KCNQ5: variants seen among roughly 807,000 people sequenced by gnomAD.
The protein encoded by KCNQ5 is potassium voltage-gated channel subfamily Q member 5, also known as potassium voltage-gated channel subfamily KQT member 5.
KCNQ5 carries 30 observed loss-of-function variants against 98.2 expected under a neutral mutation model. The ratio of observed to expected loss-of-function variants is 0.31; its 90% CI spans 0.23 to 0.41. The LOEUF is 0.41. KCNQ5 is among the 10% of genes least tolerant of loss of function. The pLI is 1.00. For synonymous variants in KCNQ5, 458 were observed against 449.4 expected, an observed-to-expected ratio of 1.02 and a Z score of -0.24; for missense variants, 835 against 1,182.5, an observed-to-expected ratio of 0.71 and a Z score of 4.31.
chr6:72,801,996 G>A (rs1265498529), intron 1 of KCNQ5, among the ~76,000 whole-genome samples: 23 of 152,224 alleles, frequency 1.5e-4, no homozygotes, highest in Admixed American at 4.6e-4. Flanking sequence ...CGAGAGATCC[G>A]CTGTTAGTCT....
At chr6:73,001,449 C>G (rs1291711128) in intron 1 of KCNQ5, among the ~76,000 whole-genome samples, 1 of 152,174 alleles carries the variant, frequency 6.6e-6, no homozygotes, top group Admixed American at 6.5e-5. Context: ...AAACAGCATT[C>G]AAATATTGAT....
intron 1 of KCNQ5, among the ~76,000 whole-genome samples, chr6:72,921,599 T>A (rs1562069130): frequency 1.3e-5 from 2 of 152,188 alleles, no homozygotes; most frequent in Admixed American, 6.5e-5. Flanking sequence ...GAGCTTCAGT[T>A]TCCTCCTCAG....
intron 9 of KCNQ5, among the ~76,000 whole-genome samples, chr6:73,124,936 G>GATATATATATAT (rs1180218889): frequency 1.3e-4 from 10 of 76,284 alleles, no homozygotes; most frequent in South Asian, 6.3e-4. Context: ...CTTTTGGAGT[G>GATATATATATAT]ATATATATAT....
intron 1 of KCNQ5, among the ~76,000 whole-genome samples, chr6:72,807,968 G>A (rs1775037674): frequency 1.3e-5 from 2 of 152,174 alleles, no homozygotes; most frequent in Non-Finnish European, 2.9e-5. Context: ...AAAGGGAAGT[G>A]AGAAGAAAGT....
chr6:72,662,417 TA>T (rs1300672179), intron 1 of KCNQ5, among the ~76,000 whole-genome samples: 2 of 152,184 alleles, frequency 1.3e-5, no homozygotes, highest in Non-Finnish European at 2.9e-5. Flanking sequence ...GTGGTGATGA[TA>T]TGATAACATA....
intron 1 of KCNQ5, among the ~76,000 whole-genome samples, chr6:72,697,993 A>T (rs984720354): frequency 2.0e-5 from 3 of 152,118 alleles, no homozygotes; most frequent in Non-Finnish European, 4.4e-5. Flanking sequence ...AGGTGGGAGG[A>T]TTACTTGAGT....
Position 72,779,821 on chromosome 6 carries a change from C to CTGTGTGTG in KCNQ5, c.398+157288_398+157295dup, listed in dbSNP as rs35526812. On this transcript the variant is annotated intron_variant, in intron 1 of 13. Coordinates refer to ENST00000370398, the MANE Select transcript of KCNQ5 (RefSeq NM_019842.4). ...CACCATGCCCAGCTAATTTAATTTT[C>CTGTGTGTG]TGTGTGTGTGTGTGTGTGTGTGTGT... Among the ~76,000 whole-genome samples the CTGTGTGTG allele has an allele frequency of 1.1e-3, 135 of 124,924 alleles. 1 individual carries two copies. The highest frequency in any genetic ancestry group is 1.8e-3 in the Non-Finnish European group (108 of 59,092). 82.0% of individuals were successfully genotyped at this position (124,924 alleles called of 152,430 possible).
intron 1 of KCNQ5, among the ~76,000 whole-genome samples, chr6:72,750,039 C>T (rs9446746): frequency 0.13 from 19,637 of 152,074 alleles, 1,402 homozygotes; most frequent in South Asian, 0.18. Flanking sequence ...TTTCATAAAA[C>T]CGTGGTCTGT....
chr6:72,966,129 A>T (rs373513350), intron 1 of KCNQ5, among the ~76,000 whole-genome samples: 1 of 152,236 alleles, frequency 6.6e-6, no homozygotes, highest in East Asian at 1.9e-4. Flanking sequence ...TATCATCCTG[A>T]GCCCAAGAAG....
At chr6:73,151,885 G>A (rs75309310) in intron 10 of KCNQ5, among the ~76,000 whole-genome samples, 2,153 of 152,252 alleles carry the variant, frequency 0.014, 35 homozygotes, top group African/African-American at 0.049. Flanking sequence ...AAGATGACAT[G>A]ATGACAGAAG....
chr6:72,946,916 G>A (rs945130625), intron 1 of KCNQ5, among the ~76,000 whole-genome samples: 4 of 152,150 alleles, frequency 2.6e-5, no homozygotes, highest in Non-Finnish European at 4.4e-5. Context: ...TTCACAATGA[G>A]TTGTGTAATC....
intron 1 of KCNQ5, among the ~76,000 whole-genome samples, chr6:72,703,820 G>T (rs17796644): frequency 0.12 from 18,483 of 152,158 alleles, 1,311 homozygotes; most frequent in East Asian, 0.22. Flanking sequence ...TACCTAGGAT[G>T]AAGACATTTG....
intron 1 of KCNQ5, among the ~76,000 whole-genome samples, chr6:72,788,742 T>C (rs1216475633): frequency 6.6e-6 from 1 of 152,220 alleles, no homozygotes; most frequent in Non-Finnish European, 1.5e-5. Flanking sequence ...CATATACCTA[T>C]TCATTTGTAG....
rs796918850 is a variant in KCNQ5 at position 73,165,762 on chromosome 6, T to C, written c.1469-3984T>C. ...GAGTTCGAGACCAGCCTGGCCAACATGGTGAAACCCCGTCTCTACTAAATA... is the reference window on the plus strand; with the variant it reads ...GAGTTCGAGACCAGCCTGGCCAACACGGTGAAACCCCGTCTCTACTAAATA... On this transcript the variant is annotated intron_variant, in intron 10 of 13. Coordinates refer to ENST00000370398, the MANE Select transcript of KCNQ5 (RefSeq NM_019842.4). Among the ~76,000 whole-genome samples the C allele has an allele frequency of 2.4e-4, 36 of 151,876 alleles. 1 individual carries two copies. The highest frequency in any genetic ancestry group is 8.7e-4 in the African/African-American group (36 of 41,410).
At chr6:72,870,480 G>A (rs116310879) in intron 1 of KCNQ5, among the ~76,000 whole-genome samples, 2,116 of 152,002 alleles carry the variant, frequency 0.014, 40 homozygotes, top group African/African-American at 0.049. Flanking sequence ...CGGACTCCTG[G>A]GATCAAATGA....
At chr6:73,083,085 G>T (rs576751796) in intron 5 of KCNQ5, among the ~76,000 whole-genome samples, 50 of 151,966 alleles carry the variant, frequency 3.3e-4, no homozygotes, top group African/African-American at 1.1e-3. Context: ...GAAGAAAAGG[G>T]GTCTCACCAT....
chr6:72,784,755 C>T (rs1582283728), intron 1 of KCNQ5, among the ~76,000 whole-genome samples: 1 of 152,014 alleles, frequency 6.6e-6, no homozygotes, highest in African/African-American at 2.4e-5. Context: ...AGATCTTCTT[C>T]GAGGAATTCC....
chr6:72,721,421 G>T (rs1769954078), intron 1 of KCNQ5, among the ~76,000 whole-genome samples: 1 of 151,514 alleles, frequency 6.6e-6, no homozygotes, highest in Non-Finnish European at 1.5e-5. Context: ...TTTTTTTAAA[G>T]TCCTGATCTC....
In KCNQ5 at chr6:72,728,399, A is replaced by T. The variant is rs1380756312; in HGVS notation, c.398+105812A>T. ...TGATCTGGAGGCCTGTTAATTTAAA[A>T]AAAAAGTTATCTAATGCCCCCCAAC... On this transcript the variant is annotated intron_variant, in intron 1 of 13. Transcript: ENST00000370398. Among the ~76,000 whole-genome samples the T allele has an allele frequency of 2.0e-5, 3 of 152,302 alleles. 1 individual carries two copies. In the East Asian group the frequency reaches 5.8e-4, roughly 29 times the overall value.
Sources: gnomAD v4.1 joint callset for allele counts (sites outside exome capture counted in the v4.1 genomes callset) on GRCh38, gnomAD v4.1.1 for gene constraint, MANE v1.5 for transcripts, NCBI Gene and HGNC (gene_info 2026-07-23, HGNC 2026-07-21) for gene names.